STAG1: variants seen among roughly 807,000 people sequenced by gnomAD.
STAG1 encodes cohesin subunit SA-1.
A neutral mutation model predicts 170.9 loss-of-function variants in STAG1; 26 were observed. The ratio of observed to expected loss-of-function variants is 0.15; its 90% CI spans 0.11 to 0.21. STAG1 has a LOEUF of 0.21. Among genes scored for constraint, STAG1 ranks in the 10% least tolerant of loss-of-function variants. STAG1 has a pLI of 1.00. For missense variants in STAG1, 964 were observed against 1,509.5 expected (o/e 0.64, Z 5.99); for synonymous variants, 514 against 497.7 (o/e 1.03, Z -0.44).
chr3:136,691,633 G>C lies in STAG1; in HGVS notation c.-84+60562C>G, dbSNP rs557955800. On this transcript the variant is annotated intron_variant, in intron 1 of 33. Transcript: ENST00000383202. ...TTCATTTCAGGTTTAGGGAAGTGCA[G>C]GATGTCCTGAATCCATTCAGCGTCC... Among the ~76,000 whole-genome samples, 168 of 152,324 alleles carry C rather than the reference G, an allele frequency of 1.1e-3. 1 individual carries two copies. Among genetic ancestry groups the C allele is most frequent in the Non-Finnish European group, 2.5e-4 (17 of 68,032 alleles).
intron 1 of STAG1, among the ~76,000 whole-genome samples, chr3:136,657,189 C>CTTTTTTTTTTTT (rs67826395): frequency 2.2e-5 from 2 of 92,260 alleles, no homozygotes; most frequent in African/African-American, 4.0e-5. Context: ...TTCTTTCTTT[C>CTTTTTTTTTTTT]TTTTTTTTTT....
At chr3:136,714,993 T>TTATATATATAA (rs1943496599) in intron 1 of STAG1, among the ~76,000 whole-genome samples, 1 of 110,790 alleles carries the variant, frequency 9.0e-6, no homozygotes, top group Non-Finnish European at 2.0e-5. Context: ...TATATATATT[T>TTATATATATAA]TATATATATA....
chr3:136,705,517 C>T (rs1425044124), intron 1 of STAG1, among the ~76,000 whole-genome samples: 2 of 151,870 alleles, frequency 1.3e-5, no homozygotes, highest in Non-Finnish European at 2.9e-5. Flanking sequence ...ATTGTAGCTC[C>T]CATAATTCCC....
intron 6 of STAG1, among the ~76,000 whole-genome samples, chr3:136,531,695 G>C (rs910190790): frequency 6.0e-5 from 9 of 148,928 alleles, no homozygotes; most frequent in Non-Finnish European, 1.3e-4. Flanking sequence ...TCACTCATAG[G>C]TGGGAATTGA....
At chr3:136,683,927 T>C (rs566801031) in intron 1 of STAG1, among the ~76,000 whole-genome samples, 5 of 152,358 alleles carry the variant, frequency 3.3e-5, no homozygotes, top group South Asian at 2.1e-4. Context: ...CAATACCATT[T>C]ATGTTAGCAC....
intron 16 of STAG1, among the ~76,000 whole-genome samples, chr3:136,425,472 C>A (rs541043350): frequency 2.0e-5 from 3 of 151,912 alleles, no homozygotes; most frequent in Non-Finnish European, 4.4e-5. Context: ...AAAATGGTTA[C>A]TAATAAGAAT....
intron 1 of STAG1, among the ~76,000 whole-genome samples, chr3:136,651,784 C>A (rs1261381669): frequency 2.0e-5 from 3 of 152,162 alleles, no homozygotes; most frequent in East Asian, 1.9e-4. Context: ...AATTATCAAG[C>A]CTACACCTCA....
intron 1 of STAG1, among the ~76,000 whole-genome samples, chr3:136,695,526 T>C (rs1942859792): frequency 6.6e-6 from 1 of 151,934 alleles, no homozygotes; most frequent in African/African-American, 2.4e-5. Flanking sequence ...CGCATGCCTT[T>C]GAACCCTGAA....
chr3:136,703,441 G>A (rs1003865244), intron 1 of STAG1, among the ~76,000 whole-genome samples: 2 of 152,192 alleles, frequency 1.3e-5, no homozygotes, highest in African/African-American at 4.8e-5. Flanking sequence ...TATCTGCCTG[G>A]TGGATCACTA....
chr3:136,725,516 C>A (rs1933610547), intron 1 of STAG1, among the ~76,000 whole-genome samples: 1 of 152,084 alleles, frequency 6.6e-6, no homozygotes, highest in African/African-American at 2.4e-5. Flanking sequence ...TTAATTATTG[C>A]TAGTAATAAC....
chr3:136,739,529 A>G (rs1263142059), intron 1 of STAG1, among the ~76,000 whole-genome samples: 1 of 150,970 alleles, frequency 6.6e-6, no homozygotes, highest in East Asian at 1.9e-4. Flanking sequence ...AGAAAAAAAA[A>G]AAAAGAAAGG....
chr3:136,405,231 CTTTTTTTTTTTTTTTT>C (rs554475207), intron 21 of STAG1, among the ~76,000 whole-genome samples: 5 of 60,876 alleles, frequency 8.2e-5, no homozygotes, highest in Non-Finnish European at 1.4e-4. Context: ...GAAAAAACCT[CTTTTTTTTTTTTTTTT>C]TTTTTTTTTT....
In STAG1 at chr3:136,377,765, T is replaced by A. The variant is rs1242612717; in HGVS notation, c.2278-13A>T. On this transcript the variant is annotated splice_polypyrimidine_tract_variant and intron_variant, in intron 22 of 33. Coordinates refer to ENST00000383202, the MANE Select transcript of STAG1 (RefSeq NM_005862.3). ...CCAACAAATCCTCCTGTAAGACACA[T>A]TCAAATTTGCAAGCGTGAATTACAG... is the stretch of plus-strand genomic sequence containing the variant. The A allele has an allele frequency of 1.9e-6, 3 of 1,610,806 alleles. No homozygotes were observed. The highest frequency in any genetic ancestry group is 4.5e-5 in the East Asian group (2 of 44,830).
intron 9 of STAG1, among the ~76,000 whole-genome samples, chr3:136,499,418 T>TCC (rs1559842706): frequency 6.6e-6 from 1 of 152,102 alleles, no homozygotes; most frequent in Non-Finnish European, 1.5e-5. Context: ...CACCTTAGCC[T>TCC]CCCAAAGTGT....
chr3:136,436,995 A>G (rs528465264), intron 15 of STAG1, among the ~76,000 whole-genome samples: 1 of 152,368 alleles, frequency 6.6e-6, no homozygotes, highest in African/African-American at 2.4e-5. Context: ...TTTGCTCAAT[A>G]ACAACTAAAG....
chr3:136,679,481 C>T (rs551598716), intron 1 of STAG1, among the ~76,000 whole-genome samples: 1 of 152,258 alleles, frequency 6.6e-6, no homozygotes, highest in Admixed American at 6.5e-5. Flanking sequence ...GTAATCCCAG[C>T]ACTTTGGGAG....
At chr3:136,375,475 C>T (rs1020805976) in intron 23 of STAG1, among the ~76,000 whole-genome samples, 116 of 152,130 alleles carry the variant, frequency 7.6e-4, no homozygotes, top group Non-Finnish European at 1.6e-3. Context: ...AACTGTATAT[C>T]TGGTTGTCCA....
intron 7 of STAG1, among the ~76,000 whole-genome samples, chr3:136,510,921 G>A (rs536005914): frequency 2.1e-4 from 32 of 151,984 alleles, no homozygotes; most frequent in African/African-American, 6.8e-4. Flanking sequence ...TTACAGGCAC[G>A]CACCACCATG....
At chr3:136,564,858 A>C (rs1267007887) in intron 5 of STAG1, among the ~76,000 whole-genome samples, 2 of 151,832 alleles carry the variant, frequency 1.3e-5, no homozygotes, top group African/African-American at 4.8e-5. Flanking sequence ...TAAAATATAA[A>C]ATCCAGCCTC....
Sources: gnomAD v4.1 joint callset for allele counts (sites outside exome capture counted in the v4.1 genomes callset) on GRCh38, gnomAD v4.1.1 for gene constraint, MANE v1.5 for transcripts, NCBI Gene and HGNC (gene_info 2026-07-23, HGNC 2026-07-21) for gene names.